MYO5A: variants seen among roughly 807,000 people sequenced by gnomAD.
MYO5A encodes the protein unconventional myosin-Va.
In MYO5A, 98 loss-of-function variants were observed where a neutral mutation model predicts 249.7. That is an observed-to-expected ratio of 0.39 (90% CI 0.33 to 0.46). The LOEUF (loss-of-function observed/expected upper bound fraction) is 0.46, where lower values mean the gene tolerates loss of function less well. Among genes scored for constraint, MYO5A ranks in the 20% least tolerant of loss-of-function variants. The probability of loss-of-function intolerance (pLI) is 0.98; values close to 1 mark genes in which losing one functional copy is unlikely to be tolerated. For missense variants in MYO5A, 1,696 were observed against 2,308.8 expected (o/e 0.73, Z 5.44); for synonymous variants, 778 against 810.6 (o/e 0.96, Z 0.68).
At chr15:52,462,210 G>A (rs1019587724) in intron 1 of MYO5A, among the ~76,000 whole-genome samples, 4 of 151,208 alleles carry the variant, frequency 2.6e-5, no homozygotes, top group Admixed American at 1.3e-4. Context: ...AGCTTGCAGT[G>A]AGCCGAGATT....
chr15:52,385,907 T>C (rs2041954588), intron 14 of MYO5A, among the ~76,000 whole-genome samples: 2 of 152,176 alleles, frequency 1.3e-5, no homozygotes, highest in South Asian at 4.1e-4. Context: ...TTACACAGAC[T>C]GGCAGTCACT....
chr15:52,524,798 T>A (rs1054537898), intron 1 of MYO5A, among the ~76,000 whole-genome samples: 7 of 151,608 alleles, frequency 4.6e-5, no homozygotes, highest in African/African-American at 1.7e-4. Flanking sequence ...AGCCCAGGAG[T>A]TAAAGGCTAC....
intron 32 of MYO5A, 28 bp downstream of exon 32, chr15:52,340,168 A>C: frequency 5.0e-6 from 8 of 1,613,178 alleles, no homozygotes; most frequent in Non-Finnish European, 6.8e-6. Context: ...TAGGTTAAGA[A>C]GCATGTGGAC....
At position 52,383,064 on chromosome 15, in the gene MYO5A, T is replaced by C. The variant is rs4774621; in HGVS notation, c.2012+27A>G. 0.97 allele frequency: 1,510,318 copies of C among 1,553,736 alleles called. 739,818 individuals are homozygous for C. The highest frequency in any genetic ancestry group is 1 in the Non-Finnish European group (1,122,129 of 1,125,228). ...GCACTTCTTATAAGATATGTACTTT[T>C]TCACTGGGTGGTTCAGAAATACTTA... On this transcript the variant is annotated intron_variant, in intron 16 of 41. Coordinates refer to ENST00000399233, the MANE Select transcript of MYO5A (RefSeq NM_001382347.1).
intron 4 of MYO5A, among the ~76,000 whole-genome samples, chr15:52,417,910 AAGAC>A (rs566716290): frequency 3.2e-4 from 48 of 152,338 alleles, no homozygotes; most frequent in African/African-American, 1.1e-3. Context: ...AAACTGGACT[AAGAC>A]AGTCATCTAA....
intron 36 of MYO5A, 91 bp downstream of exon 36, chr15:52,327,761 T>A (rs1478847559): frequency 4.5e-6 from 6 of 1,327,328 alleles, no homozygotes; most frequent in Non-Finnish European, 4.3e-6. Flanking sequence ...AACAAGCAAC[T>A]TAGCTAAACT....
intron 29 of MYO5A, among the ~76,000 whole-genome samples, chr15:52,347,512 C>T (rs2039700916): frequency 6.6e-6 from 1 of 152,108 alleles, no homozygotes; most frequent in Admixed American, 6.6e-5. Flanking sequence ...AAGCTCAGGC[C>T]TTGCAATGAA....
intron 35 of MYO5A, among the ~76,000 whole-genome samples, chr15:52,330,085 T>C (rs1413286513): frequency 6.6e-6 from 1 of 151,802 alleles, no homozygotes; most frequent in Non-Finnish European, 1.5e-5. Context: ...TCAGTATGGT[T>C]CAAAGCTTCC....
chr15:52,500,419 T>A (rs2077131036), intron 1 of MYO5A, among the ~76,000 whole-genome samples: 1 of 150,216 alleles, frequency 6.7e-6, no homozygotes. Context: ...CGATCTCAGC[T>A]CACTGCAACC....
At chr15:52,500,512 A>G (rs1455363307) in intron 1 of MYO5A, among the ~76,000 whole-genome samples, 1 of 151,946 alleles carries the variant, frequency 6.6e-6, no homozygotes, top group Non-Finnish European at 1.5e-5. Context: ...AGGCCCAGCT[A>G]ATTTTTTGTA....
At chr15:52,515,248 G>A (rs1255501756) in intron 1 of MYO5A, among the ~76,000 whole-genome samples, 3 of 151,088 alleles carry the variant, frequency 2.0e-5, no homozygotes, top group Non-Finnish European at 4.4e-5. Context: ...CTGCACTCCA[G>A]CCTGAGCAAC....
intron 4 of MYO5A, among the ~76,000 whole-genome samples, chr15:52,416,925 A>T (rs1349847552): frequency 1.3e-5 from 2 of 152,166 alleles, no homozygotes; most frequent in African/African-American, 4.8e-5. Context: ...TCTTACATAC[A>T]ACTGAGTTTC....
intron 1 of MYO5A, among the ~76,000 whole-genome samples, chr15:52,522,284 A>G (rs2141663835): frequency 6.6e-6 from 1 of 152,310 alleles, no homozygotes; most frequent in African/African-American, 2.4e-5. Context: ...GACAGAATAT[A>G]TGTGTCAAAA....
chr15:52,399,766 T>A (rs569661113), intron 9 of MYO5A, among the ~76,000 whole-genome samples: 1 of 152,152 alleles, frequency 6.6e-6, no homozygotes, highest in Non-Finnish European at 1.5e-5. Context: ...AATGAATCCA[T>A]CACTTAGGTA....
At position 52,437,000 on chromosome 15, in the gene MYO5A, C is replaced by A. The variant is rs1014462458; in HGVS notation, c.28-3715G>T. Among the ~76,000 whole-genome samples, 6 of 152,146 alleles carry A rather than the reference C, an allele frequency of 3.9e-5. No homozygotes were observed. In the East Asian group the frequency reaches 1.2e-3, roughly 29 times the overall value. On this transcript the variant is annotated intron_variant, in intron 1 of 41. Transcript: ENST00000399233. ...CAAAGGCTTACGCACATAGAAACTTCATGAAAAGTATAAACCAATATATAA... is the reference window on the plus strand; with the variant it reads ...CAAAGGCTTACGCACATAGAAACTTAATGAAAAGTATAAACCAATATATAA...
chr15:52,425,786 T>C (rs1032527492), intron 4 of MYO5A, 44 bp downstream of exon 4: 1 of 1,602,890 alleles, frequency 6.2e-7, no homozygotes, highest in Non-Finnish European at 8.5e-7. Context: ...GAAATTATCA[T>C]ATCTAATAAC....
At chr15:52,320,662 T>C (rs1038458066) in intron 38 of MYO5A, among the ~76,000 whole-genome samples, 4 of 152,006 alleles carry the variant, frequency 2.6e-5, no homozygotes, top group African/African-American at 4.8e-5. Flanking sequence ...GAAGAAGTTG[T>C]GGAAACATGG....
At chr15:52,315,641 TG>T (rs1208741220) in intron 40 of MYO5A, among the ~76,000 whole-genome samples, 1 of 151,858 alleles carries the variant, frequency 6.6e-6, no homozygotes, top group East Asian at 1.9e-4. Flanking sequence ...CCCAAAGTGC[TG>T]GGATTACAGG....
chr15:52,408,891 G>T (rs2043127744), intron 6 of MYO5A, among the ~76,000 whole-genome samples: 1 of 152,128 alleles, frequency 6.6e-6, no homozygotes, highest in African/African-American at 2.4e-5. Context: ...ACCTATTATA[G>T]GGACAGAAGC....
Sources: allele counts gnomAD v4.1 joint callset (sites outside exome capture counted in the v4.1 genomes callset), GRCh38; gene constraint gnomAD v4.1.1; transcripts MANE v1.5; gene names NCBI Gene and HGNC (gene_info 2026-07-23, HGNC 2026-07-21).